PPFIA1: variants seen among roughly 807,000 people sequenced by gnomAD.
PPFIA1 encodes PPFI scaffold protein A1.
A neutral mutation model predicts 149.9 loss-of-function variants in PPFIA1; 25 were observed. The ratio of observed to expected loss-of-function variants is 0.17; its 90% CI spans 0.12 to 0.23. PPFIA1 has a LOEUF of 0.23. PPFIA1 is among the 10% of genes least tolerant of loss of function. The pLI is 1.00. For synonymous variants in PPFIA1, 549 were observed against 552.8 expected, an observed-to-expected ratio of 0.99 and a Z score of 0.10; for missense variants, 1,362 against 1,506.5, an observed-to-expected ratio of 0.90 and a Z score of 1.59.
intron 8 of PPFIA1, 57 bp downstream of exon 8, chr11:70,330,376 A>G: frequency 2.1e-6 from 3 of 1,417,586 alleles, no homozygotes; most frequent in Non-Finnish European, 2.8e-6. Context: ...GAAGTTAAAG[A>G]CCCTTTTTCT....
chr11:70,276,114 T>C (rs2050366700), intron 2 of PPFIA1, among the ~76,000 whole-genome samples: 1 of 152,170 alleles, frequency 6.6e-6, no homozygotes, highest in South Asian at 2.1e-4. Context: ...TGTTTTTGTT[T>C]GTTTATTTTT....
chr11:70,356,799 A>G (rs2056383874), intron 19 of PPFIA1, among the ~76,000 whole-genome samples: 1 of 152,222 alleles, frequency 6.6e-6, no homozygotes, highest in African/African-American at 2.4e-5. Flanking sequence ...AACAGTCGCC[A>G]TGCTGCATTT....
chr11:70,325,653 C>G (rs1201970284), intron 5 of PPFIA1, 79 bp downstream of exon 5: 3 of 1,167,578 alleles, frequency 2.6e-6, no homozygotes, highest in African/African-American at 3.1e-5. Flanking sequence ...AGCATAAGGC[C>G]AGACGTGGTG....
chr11:70,383,961 T>C lies in PPFIA1; in HGVS notation c.*971T>C, dbSNP rs533091740. 2 of 152,408 alleles carry C rather than the reference T, an allele frequency of 1.3e-5. No homozygotes were observed. The highest frequency in any genetic ancestry group is 1.3e-4 in the Admixed American group (2 of 15,306). 9.4% of individuals were successfully genotyped at this position (152,408 alleles called of 1,614,324 possible). A position where few individuals can be genotyped will look rare whatever the true frequency, so the allele number is the denominator to read the frequency against. Reference sequence around the variant, plus strand: ...TGAAGGCAGGAGACCCAGAAAGCAGTGCAGTGCAGCTCTAATAAAGGCCTT... The same window carrying C: ...TGAAGGCAGGAGACCCAGAAAGCAGCGCAGTGCAGCTCTAATAAAGGCCTT... On this transcript the variant is annotated 3_prime_UTR_variant, in exon 28 of 28. Coordinates refer to ENST00000253925, the MANE Select transcript of PPFIA1 (RefSeq NM_003626.5).
At chr11:70,284,661 C>G (rs1464982031) in intron 2 of PPFIA1, among the ~76,000 whole-genome samples, 1 of 152,148 alleles carries the variant, frequency 6.6e-6, no homozygotes, top group Non-Finnish European at 1.5e-5. Context: ...AAAGGTGAGG[C>G]TTTCGAGGGG....
chr11:70,312,864 C>A (rs1051109770), intron 2 of PPFIA1, among the ~76,000 whole-genome samples: 9 of 152,156 alleles, frequency 5.9e-5, no homozygotes, highest in African/African-American at 2.2e-4. Context: ...GACAGCTGGA[C>A]ATGCAGCCGG....
At chr11:70,342,584 C>T (rs996695634) in intron 14 of PPFIA1, among the ~76,000 whole-genome samples, 1 of 152,182 alleles carries the variant, frequency 6.6e-6, no homozygotes, top group Non-Finnish European at 1.5e-5. Flanking sequence ...TCCTTTTCCT[C>T]GTTCGAGCTT....
At chr11:70,356,476 A>G (rs894060770) in intron 19 of PPFIA1, among the ~76,000 whole-genome samples, 2 of 152,180 alleles carry the variant, frequency 1.3e-5, no homozygotes, top group Admixed American at 6.5e-5. Context: ...AAGCTGTCCA[A>G]CCAGGAGATA....
chr11:70,344,230 C>G (rs2055538280), intron 15 of PPFIA1, among the ~76,000 whole-genome samples: 1 of 152,204 alleles, frequency 6.6e-6, no homozygotes, highest in Non-Finnish European at 1.5e-5. Flanking sequence ...AAAGCTGCAC[C>G]TGGAAGGCCA....
At chr11:70,375,314 T>A (rs2057447759) in intron 24 of PPFIA1, 2 of 373,962 alleles carry the variant, frequency 5.3e-6, no homozygotes, top group African/African-American at 2.1e-5. Flanking sequence ...GATCTTTCAT[T>A]CCAGCCCATG....
At chr11:70,325,291 C>T (rs961823045) in intron 4 of PPFIA1, among the ~76,000 whole-genome samples, 9 of 151,616 alleles carry the variant, frequency 5.9e-5, no homozygotes, top group African/African-American at 1.9e-4. Flanking sequence ...CCTGATATTT[C>T]GGGGGAAGAT....
At chr11:70,304,094 C>A (rs2136397850) in intron 2 of PPFIA1, among the ~76,000 whole-genome samples, 1 of 152,280 alleles carries the variant, frequency 6.6e-6, no homozygotes, top group South Asian at 2.1e-4. Context: ...GAGCTCCATG[C>A]CCTAGCTTCT....
intron 5 of PPFIA1, 132 bp downstream of exon 5, chr11:70,325,706 C>T (rs1043922484): frequency 6.4e-5 from 40 of 623,156 alleles, no homozygotes; most frequent in Admixed American, 3.6e-4. Flanking sequence ...CCGAGGCGGG[C>T]GGATCACCTG....
At chr11:70,284,643 T>TGGTCCAGAAAGGTGAGGCTTTCGAG (rs2050984882) in intron 2 of PPFIA1, among the ~76,000 whole-genome samples, 1 of 152,150 alleles carries the variant, frequency 6.6e-6, no homozygotes, top group South Asian at 2.1e-4. Context: ...AGGCACACTG[T>TGGTCCAGAAAGGTGAGGCTTTCGAG]GGTCCAGAAA....
At position 70,381,468 on chromosome 11, in the gene PPFIA1, A is replaced by G. The variant is rs1055943555; in HGVS notation, c.3551-620A>G. ...GAACTGAGACTGGGCTTCAGTTTTT[A>G]GATCAGCTTTCACCCCACTCCCTGG... On this transcript the variant is annotated intron_variant, in intron 26 of 27. Transcript: ENST00000253925. 1.2e-4 allele frequency among the ~76,000 whole-genome samples: 18 copies of G among 152,350 alleles called. No homozygotes were observed. The East Asian group carries it at 1.7e-3, about 15-fold the overall frequency.
rs748749063 is a variant in PPFIA1 at position 70,335,716 on chromosome 11, T to C, written c.1428+22T>C. 2.5e-6 allele frequency: 4 copies of C among 1,612,648 alleles called. No homozygotes were observed. The African/African-American group carries it at 5.3e-5, about 22-fold the overall frequency. ...TAAGGTAAGTTAGATAACACGGACA[T>C]GCTGGAGCTTTCCCACCCTCTGCCA... On this transcript the variant is annotated intron_variant, in intron 11 of 27. Coordinates refer to ENST00000253925, the MANE Select transcript of PPFIA1 (RefSeq NM_003626.5).
rs563147644 is a variant in PPFIA1, at chr11:70,274,028, C to T, written c.264+1592C>T. ...TCAGTGATTTGTTTCTGGCACTGCT[C>T]AGTGTAGCAGCCTGGGAATGCCTAG... is the stretch of plus-strand genomic sequence containing the variant. On this transcript the variant is annotated intron_variant, in intron 2 of 27. Coordinates refer to ENST00000253925, the MANE Select transcript of PPFIA1 (RefSeq NM_003626.5). Among the ~76,000 whole-genome samples the T allele has an allele frequency of 9.3e-4, 142 of 152,314 alleles. 2 individuals are homozygous for T. The highest frequency in any genetic ancestry group is 6.8e-3 in the Middle Eastern group (2 of 294).
At chr11:70,271,202 C>G (rs1289662259) in intron 1 of PPFIA1, 3 of 152,202 alleles carry the variant, frequency 2.0e-5, no homozygotes, top group Non-Finnish European at 4.4e-5. Flanking sequence ...AAAGCCCTGG[C>G]CCGAGCGGGC....
intron 16 of PPFIA1, among the ~76,000 whole-genome samples, chr11:70,353,608 A>C (rs2056194477): frequency 6.6e-6 from 1 of 152,180 alleles, no homozygotes; most frequent in South Asian, 2.1e-4. Flanking sequence ...AAACAAAAAA[A>C]CCCTGGGAGT....
Sources: gnomAD v4.1 joint callset for allele counts (sites outside exome capture counted in the v4.1 genomes callset) on GRCh38, gnomAD v4.1.1 for gene constraint, MANE v1.5 for transcripts, NCBI Gene and HGNC (gene_info 2026-07-23, HGNC 2026-07-21) for gene names.